Variants in SEMA5A observed in about 807,000 individuals in gnomAD.
SEMA5A encodes semaphorin-5A.
In SEMA5A, 55 loss-of-function variants were observed where a neutral mutation model predicts 135.5. The ratio of observed to expected loss-of-function variants is 0.41; its 90% CI spans 0.33 to 0.51. The LOEUF (loss-of-function observed/expected upper bound fraction) is 0.51, where lower values mean the gene tolerates loss of function less well. SEMA5A is among the 20% of genes least tolerant of loss of function. SEMA5A has a pLI of 0.37. For synonymous variants in SEMA5A, 580 were observed against 546.5 expected, an observed-to-expected ratio of 1.06 and a Z score of -0.85; for missense variants, 1,290 against 1,419.9, an observed-to-expected ratio of 0.91 and a Z score of 1.47.
Position 9,486,397 on chromosome 5 carries a change from G to A in SEMA5A, c.-174-48545C>T, listed in dbSNP as rs528794758. Among the ~76,000 whole-genome samples, 64 of 152,252 alleles carry A rather than the reference G, an allele frequency of 4.2e-4. No homozygotes were observed. In the South Asian group the frequency reaches 0.013, roughly 31 times the overall value. On this transcript the variant is annotated intron_variant, in intron 1 of 22. Transcript: ENST00000382496. ...CATGGCACATGTATACCTATGTAAC[G>A]AACCTGCACGTTCTGCACATGCATC...
intron 11 of SEMA5A, among the ~76,000 whole-genome samples, chr5:9,155,659 C>A (rs1344815872): frequency 1.3e-5 from 2 of 152,112 alleles, no homozygotes; most frequent in African/African-American, 4.8e-5. Flanking sequence ...TCTTATTTTG[C>A]AAACACAGAA....
chr5:9,108,260 G>C lies in SEMA5A; in HGVS notation c.1953C>G (p.Pro651=), dbSNP rs1312088103. The C allele has an allele frequency of 6.2e-7, 1 of 1,614,148 alleles. No individual in the cohort carries two copies. Among genetic ancestry groups the C allele is most frequent in the Admixed American group, 1.7e-5 (1 of 60,016 alleles). The change falls in exon 16 of 23, where the codon CCC becomes CCG. Residue 651 remains proline, a synonymous_variant. Coordinates refer to ENST00000382496, the MANE Select transcript of SEMA5A (RefSeq NM_003966.3). Reference sequence around the variant, plus strand: ...CCCAGCCTGTCCAGAACATGTGTGGGGGACATAGCAAATGTTCATTGCAGT... The same window carrying C: ...CCCAGCCTGTCCAGAACATGTGTGGCGGACATAGCAAATGTTCATTGCAGT... The part of the protein sequence containing the change: ...ERYCNEHLLC[P]PHMFWTGWGP...
At chr5:9,415,398 G>A (rs554320101) in intron 2 of SEMA5A, among the ~76,000 whole-genome samples, 6 of 152,256 alleles carry the variant, frequency 3.9e-5, no homozygotes, top group African/African-American at 1.2e-4. Flanking sequence ...CCTTGGGGAC[G>A]TAAAATGATA....
In SEMA5A at chr5:9,337,782, G is replaced by T. The variant is rs201327519; in HGVS notation, c.155C>A (p.Ala52Glu). The T allele has an allele frequency of 1.2e-6, 2 of 1,610,534 alleles. No homozygotes were observed. Among genetic ancestry groups the T allele is most frequent in the Non-Finnish European group, 1.7e-6 (2 of 1,177,814 alleles). The change falls in exon 4 of 23, where the codon GCG becomes GAG. Residue 52 changes from alanine to glutamate, a missense_variant. Physicochemically the swap from Ala to Glu is moderately radical, Grantham distance 107. This residue lies in a region of SEMA5A where 116 missense variants were observed against 121.3 expected (regional missense o/e 0.96). Coordinates refer to ENST00000382496, the MANE Select transcript of SEMA5A (RefSeq NM_003966.3). The part of the protein sequence containing the change: ...EIGPWLREFR[A>E]KNAVDFSQLT... ...CTGCGAGAAATCCACAGCATTCTTC[G>T]CTCTGAACTCCCGTAACCAGGGGCC...
intron 16 of SEMA5A, among the ~76,000 whole-genome samples, chr5:9,076,848 T>C (rs934357620): frequency 2.6e-5 from 4 of 151,424 alleles, no homozygotes; most frequent in Admixed American, 2.0e-4. Context: ...AGCCAGTGCA[T>C]TGACTATGCA....
intron 11 of SEMA5A, among the ~76,000 whole-genome samples, chr5:9,160,484 G>C (rs1367672112): frequency 1.3e-5 from 2 of 152,132 alleles, no homozygotes; most frequent in Admixed American, 1.3e-4. Context: ...CTGAGAATAA[G>C]ATAAAAGGAT....
chr5:9,327,785 T>G (rs1394267627), intron 4 of SEMA5A, among the ~76,000 whole-genome samples: 4 of 152,200 alleles, frequency 2.6e-5, no homozygotes, highest in Non-Finnish European at 4.4e-5. Flanking sequence ...AATCTCTAAG[T>G]GCTGTGAGGA....
At chr5:9,431,198 A>T (rs1237352351) in intron 2 of SEMA5A, among the ~76,000 whole-genome samples, 1 of 152,128 alleles carries the variant, frequency 6.6e-6, no homozygotes, top group East Asian at 1.9e-4. Flanking sequence ...AGAAAAGAGG[A>T]ACAGTTCTCA....
intron 5 of SEMA5A, among the ~76,000 whole-genome samples, chr5:9,258,801 T>TTC (rs1561080159): frequency 2.4e-4 from 28 of 119,004 alleles, no homozygotes; most frequent in African/African-American, 7.8e-4. Flanking sequence ...TCTTCTTTCT[T>TTC]TCTTTTTTTT....
chr5:9,221,439 ACTAC>A (rs1746969621), intron 8 of SEMA5A, among the ~76,000 whole-genome samples: 1 of 149,934 alleles, frequency 6.7e-6, no homozygotes, highest in Non-Finnish European at 1.5e-5. Context: ...AGTAGCTGGG[ACTAC>A]AGGCGCCCAC....
At chr5:9,117,249 G>T (rs576548390) in intron 15 of SEMA5A, among the ~76,000 whole-genome samples, 2 of 152,278 alleles carry the variant, frequency 1.3e-5, no homozygotes, top group African/African-American at 4.8e-5. Flanking sequence ...GTGTTAATCA[G>T]CCTCTTCCTT....
chr5:9,043,305 G>GA, intron 22 of SEMA5A: 1 of 291,240 alleles, frequency 3.4e-6, no homozygotes, highest in Non-Finnish European at 6.4e-6. Context: ...TAAATCTCTA[G>GA]AAAACCTAAA....
Position 9,136,621 on chromosome 5 carries a change from GC to G in SEMA5A, c.1482-1del. The stretch of plus-strand genomic sequence containing the variant: ...AAGGGTCCTGGGCCCCAATGCAGGT[GC>G]TGGAAACACACACCAAATGGTCAAC... On this transcript the variant is annotated splice_acceptor_variant, in intron 12 of 22. Transcript: ENST00000382496. LOFTEE classifies it high-confidence loss of function. 6.2e-7 allele frequency: 1 copy of G among 1,610,952 alleles called. No individual in the cohort carries two copies. Among genetic ancestry groups the G allele is most frequent in the Non-Finnish European group, 8.5e-7 (1 of 1,177,214 alleles).
At chr5:9,120,483 T>C (rs966407682) in intron 14 of SEMA5A, among the ~76,000 whole-genome samples, 1 of 152,134 alleles carries the variant, frequency 6.6e-6, no homozygotes, top group Non-Finnish European at 1.5e-5. Flanking sequence ...GATATTATAA[T>C]AAACCTGCTC....
In SEMA5A at chr5:9,035,874, A is replaced by G. The variant is rs370027821; in HGVS notation, c.*7023T>C. Reference sequence around the variant, plus strand: ...TTTAAAAAGCTAAATTATAATTAAGATACATTGTCTTTTAAAATTAAATTT... The same window carrying G: ...TTTAAAAAGCTAAATTATAATTAAGGTACATTGTCTTTTAAAATTAAATTT... On this transcript the variant is annotated 3_prime_UTR_variant, in exon 23 of 23. Coordinates refer to ENST00000382496, the MANE Select transcript of SEMA5A (RefSeq NM_003966.3). The G allele has an allele frequency of 1.1e-4, 16 of 151,452 alleles. No individual in the cohort carries two copies. In the South Asian group the frequency reaches 3.3e-3, roughly 32 times the overall value. 9.4% of individuals were successfully genotyped at this position (151,452 alleles called of 1,614,324 possible). A position where few individuals can be genotyped will look rare whatever the true frequency, so the allele number is the denominator to read the frequency against.
At chr5:9,147,447 T>G (rs1421349851) in intron 12 of SEMA5A, among the ~76,000 whole-genome samples, 1 of 152,066 alleles carries the variant, frequency 6.6e-6, no homozygotes, top group Non-Finnish European at 1.5e-5. Flanking sequence ...AATGTTTGTA[T>G]TTTTAGTAGA....
At position 9,039,897 on chromosome 5, in the gene SEMA5A, T is replaced by G. The variant is rs1251107701; in HGVS notation, c.*3000A>C. 6.6e-6 allele frequency: 1 copy of G among 152,222 alleles called. No homozygotes were observed. Among genetic ancestry groups the G allele is most frequent in the Non-Finnish European group, 1.5e-5 (1 of 68,068 alleles). The allele number at this position is 152,222 out of a possible 1,614,324, so 9.4% of individuals were successfully genotyped here. ...TCCTTCCTGTAAACTGTCAGTGCAC[T>G]GTAAAATCAATAGTAGATGGTGATG... On this transcript the variant is annotated 3_prime_UTR_variant, in exon 23 of 23. Coordinates refer to ENST00000382496, the MANE Select transcript of SEMA5A (RefSeq NM_003966.3).
chr5:9,435,936 T>C (rs1419982649), intron 2 of SEMA5A, among the ~76,000 whole-genome samples: 2 of 152,198 alleles, frequency 1.3e-5, no homozygotes, highest in Non-Finnish European at 2.9e-5. Flanking sequence ...TCTGAGTAAC[T>C]CCAGTAAGGA....
chr5:9,101,339 C>A (rs914499926), intron 16 of SEMA5A, among the ~76,000 whole-genome samples: 1 of 152,146 alleles, frequency 6.6e-6, no homozygotes, highest in Non-Finnish European at 1.5e-5. Context: ...CTTCCTACAA[C>A]CTGGACCATC....
Sources: gnomAD v4.1 joint callset for allele counts (sites outside exome capture counted in the v4.1 genomes callset) on GRCh38, gnomAD v4.1.1 for gene constraint, gnomAD v4.1.1 regional missense constraint, MANE v1.5 for transcripts, NCBI Gene and HGNC (gene_info 2026-07-23, HGNC 2026-07-21) for gene names.